Variants in ARHGAP42 observed in about 807,000 individuals in gnomAD.
ARHGAP42 encodes the protein rho GTPase-activating protein 42.
A neutral mutation model predicts 125.0 loss-of-function variants in ARHGAP42; 63 were observed. The ratio of observed to expected loss-of-function variants is 0.50; its 90% CI spans 0.41 to 0.62. ARHGAP42 has a LOEUF of 0.62. Ranked by LOEUF, ARHGAP42 falls within the 20% of genes least tolerant of loss-of-function variation. The pLI is 0.00. For synonymous variants in ARHGAP42, 339 were observed against 351.0 expected (o/e 0.97, Z 0.38); for missense variants, 766 against 1,024.2 (o/e 0.75, Z 3.44).
intron 3 of ARHGAP42, 49 bp downstream of exon 3, chr11:100,795,215 T>TAAAGAG: frequency 7.3e-7 from 1 of 1,374,844 alleles, no homozygotes; most frequent in Non-Finnish European, 9.8e-7. Context: ...TTCAACATAT[T>TAAAGAG]AAAGAGAAAG....
intron 3 of ARHGAP42, among the ~76,000 whole-genome samples, chr11:100,802,362 G>GAGGTGATA (rs2135045092): frequency 6.6e-6 from 1 of 151,922 alleles, no homozygotes; most frequent in African/African-American, 2.4e-5. Flanking sequence ...CATGCCACTG[G>GAGGTGATA]AGGTGATAGT....
At chr11:100,875,056 AC>A (rs938080487) in intron 4 of ARHGAP42, among the ~76,000 whole-genome samples, 39 of 132,776 alleles carry the variant, frequency 2.9e-4, no homozygotes, top group African/African-American at 1.1e-3. Flanking sequence ...CAAACTGCTG[AC>A]TAAATCTAAT....
In ARHGAP42 at chr11:100,973,189, G is replaced by A. The variant is rs1858299081; in HGVS notation, c.1565G>A (p.Ser522Asn). Residue 522 changes from serine (S) to asparagine (N), a missense_variant, in exon 18 of 24, where the codon AGC becomes AAC. Ser to Asn is a conservative substitution (Grantham distance 46, BLOSUM62 1). Around this residue, in one of 3 missense-constraint regions of ARHGAP42, gnomAD observed 455 missense variants for 636.5 expected, o/e 0.71. Transcript: ENST00000298815. ...IKHLVKVSLH[S>N]QQNLMTVSNL... The stretch of plus-strand genomic sequence containing the variant: ...TTTATTTGCAGAGTATCACTACACA[G>A]CCAACAAAATCTCATGACTGTCTCA... 1.3e-6 allele frequency: 2 copies of A among 1,548,976 alleles called. No individual in the cohort carries two copies. The highest frequency in any genetic ancestry group is 1.7e-6 in the Non-Finnish European group (2 of 1,145,896).
chr11:100,715,028 G>A (rs577585797), intron 1 of ARHGAP42, among the ~76,000 whole-genome samples: 3 of 137,390 alleles, frequency 2.2e-5, no homozygotes, highest in East Asian at 2.1e-4. Flanking sequence ...CAGGCTGGGC[G>A]ATGCAGTGAA....
At chr11:100,921,409 A>G in intron 5 of ARHGAP42, 85 bp from the exon 6 acceptor site, 1 of 1,030,854 alleles carries the variant, frequency 9.7e-7, no homozygotes, top group Non-Finnish European at 1.4e-6. Context: ...TGTAGGAGTT[A>G]CTTTTTAATA....
intron 8 of ARHGAP42, among the ~76,000 whole-genome samples, chr11:100,937,862 T>C (rs1431379810): frequency 6.6e-6 from 1 of 152,206 alleles, no homozygotes; most frequent in Non-Finnish European, 1.5e-5. Flanking sequence ...GCCTACCTAT[T>C]GTCAAGCTGT....
intron 3 of ARHGAP42, among the ~76,000 whole-genome samples, chr11:100,849,259 G>C (rs1865146650): frequency 6.6e-6 from 1 of 152,060 alleles, no homozygotes; most frequent in African/African-American, 2.4e-5. Flanking sequence ...CTCACATTAA[G>C]GGCTGAAAGA....
At chr11:100,868,470 G>A (rs1171929103) in intron 4 of ARHGAP42, among the ~76,000 whole-genome samples, 3 of 152,038 alleles carry the variant, frequency 2.0e-5, no homozygotes, top group South Asian at 4.1e-4. Context: ...TTAAATAACC[G>A]TTAAACTCAT....
intron 1 of ARHGAP42, among the ~76,000 whole-genome samples, chr11:100,688,219 T>G (rs1366122305): frequency 3.3e-5 from 5 of 152,100 alleles, no homozygotes; most frequent in African/African-American, 4.8e-5. Context: ...AAAGATAAAA[T>G]TAGGCTAGTT....
At chr11:100,696,702 G>A (rs1398292809) in intron 1 of ARHGAP42, among the ~76,000 whole-genome samples, 1 of 151,916 alleles carries the variant, frequency 6.6e-6, no homozygotes, top group African/African-American at 2.4e-5. Flanking sequence ...GTCTTGCTCT[G>A]TTTCCCAGGC....
rs1039763678 is a variant in ARHGAP42, at chr11:100,708,403, C to G, written c.154+20571C>G. ...TGGCACACGCCTTTAGTCCCAGCTACTTGGGAGGCTGAAGCAGGAGGATCA... is the reference window on the plus strand; with the variant it reads ...TGGCACACGCCTTTAGTCCCAGCTAGTTGGGAGGCTGAAGCAGGAGGATCA... On this transcript the variant is annotated intron_variant, in intron 1 of 23. Coordinates refer to ENST00000298815, the MANE Select transcript of ARHGAP42 (RefSeq NM_152432.4). 3.3e-5 allele frequency among the ~76,000 whole-genome samples: 5 copies of G among 152,236 alleles called. No homozygotes were observed. In the South Asian group the frequency reaches 8.3e-4, roughly 25 times the overall value.
At chr11:100,703,232 G>T (rs76151625) in intron 1 of ARHGAP42, among the ~76,000 whole-genome samples, 4,833 of 152,226 alleles carry the variant, frequency 0.032, 117 homozygotes, top group Middle Eastern at 0.078. Flanking sequence ...CTTTGTTCCA[G>T]TGTTGGCATT....
intron 3 of ARHGAP42, among the ~76,000 whole-genome samples, chr11:100,812,563 G>A (rs1182467721): frequency 2.0e-5 from 3 of 152,188 alleles, no homozygotes; most frequent in Admixed American, 2.0e-4. Context: ...TTAATGTCAG[G>A]AAATCAAGGA....
intron 3 of ARHGAP42, among the ~76,000 whole-genome samples, chr11:100,796,845 C>T (rs1332749681): frequency 6.7e-6 from 1 of 148,252 alleles, no homozygotes; most frequent in Non-Finnish European, 1.5e-5. Context: ...TCTTTGCTCA[C>T]TGCAACCTCT....
chr11:100,992,873 T>TCTGTGGG lies in ARHGAP42; in HGVS notation c.*4072_*4073insCTGTGGG. On this transcript the variant is annotated 3_prime_UTR_variant, in exon 24 of 24. Transcript: ENST00000298815. ...ACCAATGATTACAAGGTGTCTGTGGTTTAGGGGGCCCAGCCCATCATTCCT... is the reference window on the plus strand; with the variant it reads ...ACCAATGATTACAAGGTGTCTGTGGTCTGTGGGTTAGGGGGCCCAGCCCATCATTCCT... The TCTGTGGG allele has an allele frequency of 2.6e-6, 1 of 380,722 alleles. No homozygotes were observed. The allele number at this position is 380,722 out of a possible 1,614,324, so 23.6% of individuals were successfully genotyped here. A position where few individuals can be genotyped will look rare whatever the true frequency, so the allele number is the denominator to read the frequency against.
At chr11:100,690,092 G>T (rs1861161267) in intron 1 of ARHGAP42, among the ~76,000 whole-genome samples, 1 of 152,166 alleles carries the variant, frequency 6.6e-6, no homozygotes, top group East Asian at 1.9e-4. Context: ...CACTGTGGGA[G>T]CGTCCCTGTA....
chr11:100,948,373 T>G (rs1868078730), intron 10 of ARHGAP42, 84 bp from the exon 11 acceptor site: 3 of 1,048,262 alleles, frequency 2.9e-6, no homozygotes, highest in Non-Finnish European at 4.0e-6. Context: ...TTAACTTTTT[T>G]TCTTCAAATT....
At chr11:100,702,027 G>A (rs998276195) in intron 1 of ARHGAP42, among the ~76,000 whole-genome samples, 12 of 151,942 alleles carry the variant, frequency 7.9e-5, no homozygotes, top group Admixed American at 7.2e-4. Context: ...TATTACACCT[G>A]TAATCCCAGC....
At chr11:100,718,743 A>G (rs188474872) in intron 1 of ARHGAP42, among the ~76,000 whole-genome samples, 5 of 152,356 alleles carry the variant, frequency 3.3e-5, no homozygotes, top group African/African-American at 1.2e-4. Flanking sequence ...AATTTCTCAC[A>G]TAGTAATTTC....
Sources: allele counts gnomAD v4.1 joint callset (sites outside exome capture counted in the v4.1 genomes callset), GRCh38; gene constraint gnomAD v4.1.1; regional missense constraint gnomAD v4.1.1; transcripts MANE v1.5; gene names NCBI Gene and HGNC (gene_info 2026-07-23, HGNC 2026-07-21).